The following AMBRA1 variants were observed in gnomAD, a reference collection of about 807,000 sequenced individuals.
The protein encoded by AMBRA1 is activating molecule in BECN1-regulated autophagy protein 1.
AMBRA1 carries 47 observed loss-of-function variants against 125.4 expected under a neutral mutation model. The observed-to-expected ratio is 0.37, with a 90% CI of 0.30 to 0.48. The LOEUF is 0.48. AMBRA1 is among the 20% of genes least tolerant of loss of function. AMBRA1 has a pLI of 0.99. For synonymous variants in AMBRA1, 626 were observed against 655.5 expected (o/e 0.95, Z 0.69); for missense variants, 1,331 against 1,693.4 (o/e 0.79, Z 3.76).
At chr11:46,513,590 T>C in intron 7 of AMBRA1, among the ~76,000 whole-genome samples, 1 of 152,160 alleles carries the variant, frequency 6.6e-6, no homozygotes, top group East Asian at 1.9e-4. Flanking sequence ...CTGTGGCACA[T>C]AACTATTAAG....
intron 1 of AMBRA1, among the ~76,000 whole-genome samples, chr11:46,561,577 C>T (rs1280894963): frequency 1.3e-5 from 2 of 152,092 alleles, no homozygotes; most frequent in African/African-American, 2.4e-5. Context: ...TCAGGCTTTT[C>T]CTTCAGATAG....
chr11:46,425,732 G>A (rs897857486), intron 14 of AMBRA1, among the ~76,000 whole-genome samples: 14 of 152,116 alleles, frequency 9.2e-5, no homozygotes, highest in African/African-American at 3.4e-4. Context: ...CCAGCTACTC[G>A]GGAGGCTGAG....
rs1318282518 is a variant in AMBRA1, at chr11:46,542,907, G to A, written c.1110C>T (p.Ala370=). 7 of 1,612,302 alleles carry A rather than the reference G, an allele frequency of 4.3e-6. No homozygotes were observed. The highest frequency in any genetic ancestry group is 5.9e-6 in the Non-Finnish European group (7 of 1,179,998). The change falls in exon 7 of 18, where the codon GCC becomes GCT. Residue 370 remains alanine, a synonymous_variant. Transcript: ENST00000683756. The surrounding 1 kb of genome is among the most constrained non-coding windows in gnomAD (Gnocchi z 5.9). The part of the protein sequence containing the change: ...QDQGLLNRPS[A]FSTVQSSTAG... ...CAGTGCTGCTCTGGACTGTACTGAA[G>A]GCAGACGGCCGGTTCAGGAGGCCCT...
At chr11:46,547,701 C>T in intron 3 of AMBRA1, 116 bp downstream of exon 3, 2 of 982,164 alleles carry the variant, frequency 2.0e-6, no homozygotes, top group Non-Finnish European at 1.5e-6. Flanking sequence ...GGCCAAAGTG[C>T]TGTTCATACA....
intron 10 of AMBRA1, 178 bp downstream of exon 10, chr11:46,493,946 C>T: frequency 2.9e-6 from 2 of 678,346 alleles, no homozygotes; most frequent in African/African-American, 1.8e-5. Context: ...ACCACTTTTT[C>T]ATCTCTTTTG....
intron 7 of AMBRA1, among the ~76,000 whole-genome samples, chr11:46,524,205 C>T (rs1423826610): frequency 6.6e-6 from 1 of 152,166 alleles, no homozygotes; most frequent in African/African-American, 2.4e-5. Flanking sequence ...GATCAAAGGA[C>T]AACAAATCAT....
At chr11:46,478,815 C>T (rs1393536843) in intron 11 of AMBRA1, among the ~76,000 whole-genome samples, 7 of 151,810 alleles carry the variant, frequency 4.6e-5, no homozygotes, top group African/African-American at 7.3e-5. Context: ...CCACCATGCC[C>T]GAAGATATTT....
rs1005627873 is a variant in AMBRA1, at chr11:46,438,512, C to T, written c.2633-3475G>A. On this transcript the variant is annotated intron_variant, in intron 12 of 17. Transcript: ENST00000683756. ...ACGGGAGCAATTAGCAGTTGCAGTGCCTTTGCAAATGCATTAGATACCGAT... is the reference window on the plus strand; with the variant it reads ...ACGGGAGCAATTAGCAGTTGCAGTGTCTTTGCAAATGCATTAGATACCGAT... 5.9e-5 allele frequency among the ~76,000 whole-genome samples: 9 copies of T among 152,210 alleles called. No individual in the cohort carries two copies. In the South Asian group the frequency reaches 1.0e-3, roughly 17 times the overall value.
At chr11:46,571,683 CAATCT>C (rs2043760677) in intron 1 of AMBRA1, among the ~76,000 whole-genome samples, 1 of 136,294 alleles carries the variant, frequency 7.3e-6, no homozygotes, top group African/African-American at 2.8e-5. Context: ...CTCAATCAAT[CAATCT>C]TTTTTTTTTT....
At chr11:46,417,783 T>C in intron 15 of AMBRA1, 130 bp downstream of exon 15, 1 of 1,119,110 alleles carries the variant, frequency 8.9e-7, no homozygotes. Flanking sequence ...CTTTAAGGAG[T>C]GGCGCTGAGA....
intron 14 of AMBRA1, among the ~76,000 whole-genome samples, chr11:46,430,333 T>A (rs1947392673): frequency 6.6e-6 from 1 of 152,322 alleles, no homozygotes; most frequent in East Asian, 1.9e-4. Context: ...CAATGGCAAG[T>A]AGACCTGAGA....
intron 1 of AMBRA1, among the ~76,000 whole-genome samples, chr11:46,578,599 AATGGCGG>A (rs2044050575): frequency 6.6e-6 from 1 of 151,644 alleles, no homozygotes; most frequent in South Asian, 2.1e-4. Context: ...AATAGAAAAC[AATGGCGG>A]GGCACAGTGG....
chr11:46,572,041 G>A (rs549290366), intron 1 of AMBRA1, among the ~76,000 whole-genome samples: 18 of 152,218 alleles, frequency 1.2e-4, no homozygotes, highest in South Asian at 4.1e-4. Context: ...GGTAGCTCAC[G>A]CCTATAATCC....
intron 1 of AMBRA1, among the ~76,000 whole-genome samples, chr11:46,581,904 T>A (rs2044188004): frequency 6.6e-6 from 1 of 151,030 alleles, no homozygotes; most frequent in South Asian, 2.1e-4. Flanking sequence ...AGCTCTTGAG[T>A]CCAGGAGTTT....
chr11:46,493,940 CT>C, intron 10 of AMBRA1, 183 bp downstream of exon 10: 2 of 672,276 alleles, frequency 3.0e-6, no homozygotes, highest in East Asian at 2.7e-5. Context: ...CCCAGCACCA[CT>C]TTTTCATCTC....
chr11:46,410,462 G>T (rs1449448986), intron 15 of AMBRA1, 94 bp from the exon 16 acceptor site: 2 of 1,100,604 alleles, frequency 1.8e-6, no homozygotes, highest in African/African-American at 1.5e-5. Flanking sequence ...GTGGACTGTG[G>T]CTGCCCATCC....
At chr11:46,459,739 T>TACACACACACACACAC (rs56374939) in intron 11 of AMBRA1, among the ~76,000 whole-genome samples, 1 of 110,240 alleles carries the variant, frequency 9.1e-6, no homozygotes, top group African/African-American at 2.9e-5. Context: ...AAAATACACA[T>TACACACACACACACAC]ACACACACAC....
At chr11:46,548,845 G>T (rs1163949520) in intron 1 of AMBRA1, among the ~76,000 whole-genome samples, 2 of 152,130 alleles carry the variant, frequency 1.3e-5, no homozygotes, top group African/African-American at 4.8e-5. Flanking sequence ...ACAAAAATTA[G>T]CCGGGTGTGG....
At chr11:46,550,151 G>T (rs751860258) in intron 1 of AMBRA1, among the ~76,000 whole-genome samples, 3 of 152,342 alleles carry the variant, frequency 2.0e-5, no homozygotes, top group Non-Finnish European at 2.9e-5. Flanking sequence ...CAGGAGAGTT[G>T]ACTTGTTAGA....
Sources: gnomAD v4.1 joint callset for allele counts (sites outside exome capture counted in the v4.1 genomes callset) on GRCh38, gnomAD v4.1.1 for gene constraint, Gnocchi (gnomAD v3.1) non-coding constraint, MANE v1.5 for transcripts, NCBI Gene and HGNC (gene_info 2026-07-23, HGNC 2026-07-21) for gene names.